Variants in LIFR observed in about 807,000 individuals in gnomAD.
LIFR encodes the protein LIF receptor subunit alpha.
LIFR carries 84 observed loss-of-function variants against 122.2 expected under a neutral mutation model. That is an observed-to-expected ratio of 0.69 (90% CI 0.58 to 0.82). The LOEUF (loss-of-function observed/expected upper bound fraction) is 0.82. Ranked by LOEUF, LIFR falls within the 40% of genes least tolerant of loss-of-function variation. The pLI is 0.00. For missense variants in LIFR, 1,294 were observed against 1,311.6 expected, an observed-to-expected ratio of 0.99 and a Z score of 0.21; for synonymous variants, 422 against 434.7, an observed-to-expected ratio of 0.97 and a Z score of 0.36.
intron 1 of LIFR, among the ~76,000 whole-genome samples, chr5:38,567,542 A>ATTTAT (rs994653574): frequency 3.4e-5 from 5 of 148,196 alleles, no homozygotes; most frequent in Admixed American, 1.3e-4. Context: ...TTATTTATTT[A>ATTTAT]TTTTGAAGAC....
intron 5 of LIFR, among the ~76,000 whole-genome samples, chr5:38,514,579 T>C (rs1257045853): frequency 6.6e-6 from 1 of 152,234 alleles, no homozygotes; most frequent in Non-Finnish European, 1.5e-5. Context: ...AATTTTTAAA[T>C]AATTAAATTA....
chr5:38,529,185 T>C (rs1213372634), intron 2 of LIFR, among the ~76,000 whole-genome samples: 1 of 152,020 alleles, frequency 6.6e-6, no homozygotes, highest in Non-Finnish European at 1.5e-5. Context: ...GAGTGGCTAG[T>C]CATGTAGATT....
intron 14 of LIFR, among the ~76,000 whole-genome samples, chr5:38,491,170 T>C (rs867291152): frequency 6.6e-6 from 1 of 152,168 alleles, no homozygotes; most frequent in Non-Finnish European, 1.5e-5. Context: ...GATATAGAAA[T>C]ACTTTGAATT....
chr5:38,569,421 AAGCG>A (rs2112712095), intron 1 of LIFR, among the ~76,000 whole-genome samples: 1 of 151,974 alleles, frequency 6.6e-6, no homozygotes, highest in East Asian at 1.9e-4. Flanking sequence ...AGAAGCAGGC[AAGCG>A]AGCATTACCA....
intron 1 of LIFR, among the ~76,000 whole-genome samples, chr5:38,575,199 A>T (rs76249665): frequency 0.05 from 7,563 of 152,282 alleles, 287 homozygotes; most frequent in Non-Finnish European, 0.069. Flanking sequence ...ATTTGATTCC[A>T]CTTAGAAAAA....
At chr5:38,573,665 C>T (rs1749288582) in intron 1 of LIFR, among the ~76,000 whole-genome samples, 1 of 152,322 alleles carries the variant, frequency 6.6e-6, no homozygotes, top group South Asian at 2.1e-4. Flanking sequence ...TGATCAGATG[C>T]ACTTGGTAGT....
chr5:38,597,595 T>A (rs1173343088), upstream of LIFR, among the ~76,000 whole-genome samples: 1 of 152,186 alleles, frequency 6.6e-6, no homozygotes, highest in Non-Finnish European at 1.5e-5. Context: ...GTAGTGCTAC[T>A]AGCATCCAAA....
chr5:38,551,959 A>G (rs2112655378), intron 1 of LIFR, among the ~76,000 whole-genome samples: 1 of 152,354 alleles, frequency 6.6e-6, no homozygotes, highest in African/African-American at 2.4e-5. Flanking sequence ...TGGTAAAAGT[A>G]CTTTAACTCG....
chr5:38,513,663 A>G (rs746029711), intron 5 of LIFR, among the ~76,000 whole-genome samples: 1 of 152,186 alleles, frequency 6.6e-6, no homozygotes, highest in Admixed American at 6.5e-5. Context: ...GTCTAAATGA[A>G]CTTTTCTGAG....
At chr5:38,588,792 G>A (rs963658197) in intron 1 of LIFR, among the ~76,000 whole-genome samples, 14 of 152,122 alleles carry the variant, frequency 9.2e-5, no homozygotes, top group African/African-American at 3.1e-4. Context: ...CTGAACTTGA[G>A]AATTTGCCTG....
At chr5:38,565,400 G>T (rs1049720498) in intron 1 of LIFR, among the ~76,000 whole-genome samples, 1 of 152,044 alleles carries the variant, frequency 6.6e-6, no homozygotes, top group Non-Finnish European at 1.5e-5. Context: ...AGGGAAGGGA[G>T]AAAGGCCACG....
intron 1 of LIFR, among the ~76,000 whole-genome samples, chr5:38,584,671 TAGAC>T (rs1428752120): frequency 2.0e-5 from 3 of 151,308 alleles, no homozygotes; most frequent in Non-Finnish European, 4.4e-5. Flanking sequence ...GAAAATCAAA[TAGAC>T]AAGGAGAATG....
chr5:38,547,171 A>C (rs369746333), intron 1 of LIFR, among the ~76,000 whole-genome samples: 1 of 152,196 alleles, frequency 6.6e-6, no homozygotes, highest in Admixed American at 6.5e-5. Flanking sequence ...ATATGTATCT[A>C]TATGTACAAT....
At chr5:38,507,231 A>G (rs1202451905) in intron 7 of LIFR, among the ~76,000 whole-genome samples, 1 of 152,062 alleles carries the variant, frequency 6.6e-6, no homozygotes, top group Non-Finnish European at 1.5e-5. Flanking sequence ...AGAAAAATTA[A>G]AAGAAATTTT....
chr5:38,521,555 C>T (rs1746399702), intron 5 of LIFR, among the ~76,000 whole-genome samples: 1 of 152,176 alleles, frequency 6.6e-6, no homozygotes, highest in Admixed American at 6.5e-5. Context: ...ATGGCATTCA[C>T]TGGCCCCATT....
Position 38,477,471 on chromosome 5 carries a change from G to C in LIFR, c.*4124C>G, listed in dbSNP as rs1215998668. 1 of 215,556 alleles carries C rather than the reference G, an allele frequency of 4.6e-6. No individual in the cohort carries two copies. Among genetic ancestry groups the C allele is most frequent in the African/African-American group, 2.3e-5 (1 of 44,376 alleles). The allele number at this position is 215,556 out of a possible 1,614,324, so 13.4% of individuals were successfully genotyped here. Reference sequence around the variant, plus strand: ...TATCAAGAGAATGAGTTCTGAATCAGTTAACCTCACACACGGACACACTGT... The same window carrying C: ...TATCAAGAGAATGAGTTCTGAATCACTTAACCTCACACACGGACACACTGT... On this transcript the variant is annotated 3_prime_UTR_variant, in exon 20 of 20. Coordinates refer to ENST00000453190, the MANE Select transcript of LIFR (RefSeq NM_001127671.2).
At chr5:38,596,224 C>G (rs995842087), upstream of LIFR, among the ~76,000 whole-genome samples, 44 of 152,184 alleles carry the variant, frequency 2.9e-4, no homozygotes, top group African/African-American at 1.0e-3. Flanking sequence ...ACCAGTTGCA[C>G]CCAAATCACC....
intron 2 of LIFR, among the ~76,000 whole-genome samples, chr5:38,601,745 C>T (rs1750226224): frequency 6.6e-6 from 1 of 152,158 alleles, no homozygotes; most frequent in African/African-American, 2.4e-5. Context: ...ATCTCATCCA[C>T]TCCCATGGCT....
rs937436636 is a variant in LIFR, at chr5:38,479,247, A to G, written c.*2348T>C. ...ACATAAATCACATTCTTTTAAGCAC[A>G]CAGCAACTTATAAGGAGCTTGCCCA... On this transcript the variant is annotated 3_prime_UTR_variant, in exon 20 of 20. Coordinates refer to ENST00000453190, the MANE Select transcript of LIFR (RefSeq NM_001127671.2). 8.6e-6 allele frequency: 2 copies of G among 231,876 alleles called. No homozygotes were observed. Among genetic ancestry groups the G allele is most frequent in the Non-Finnish European group, 1.7e-5 (2 of 117,220 alleles). The allele number at this position is 231,876 out of a possible 1,614,324, so 14.4% of individuals were successfully genotyped here.
Sources: allele counts gnomAD v4.1 joint callset (sites outside exome capture counted in the v4.1 genomes callset), GRCh38; gene constraint gnomAD v4.1.1; transcripts MANE v1.5; gene names NCBI Gene and HGNC (gene_info 2026-07-23, HGNC 2026-07-21).